Variants in LMLN observed in about 807,000 individuals in gnomAD.
LMLN encodes the protein leishmanolysin-like peptidase.
A neutral mutation model predicts 92.3 loss-of-function variants in LMLN; 70 were observed. The ratio of observed to expected loss-of-function variants is 0.76; its 90% CI spans 0.63 to 0.92. The LOEUF (loss-of-function observed/expected upper bound fraction) is 0.92, where lower values mean the gene tolerates loss of function less well. Ranked by LOEUF, LMLN falls within the 40% of genes least tolerant of loss-of-function variation. The probability of loss-of-function intolerance (pLI) is 0.00; values close to 1 mark genes in which losing one functional copy is unlikely to be tolerated. For missense variants in LMLN, 691 were observed against 814.6 expected, an observed-to-expected ratio of 0.85 and a Z score of 1.85; for synonymous variants, 308 against 296.2, an observed-to-expected ratio of 1.04 and a Z score of -0.41.
At chr3:197,976,558 C>T in intron 4 of LMLN, 40 bp from the exon 5 acceptor site, 1 of 1,171,978 alleles carries the variant, frequency 8.5e-7, no homozygotes, top group Admixed American at 2.2e-5. Flanking sequence ...AAAATATTCT[C>T]TTTTTTGTAT....
At chr3:197,974,696 C>G (rs1286970256) in intron 2 of LMLN, among the ~76,000 whole-genome samples, 1 of 152,134 alleles carries the variant, frequency 6.6e-6, no homozygotes. Context: ...TCTTCCTTTC[C>G]TGGTCAATCA....
exon 3 of LMLN, chr3:197,975,060 G>T: frequency 6.7e-7 from 1 of 1,491,246 alleles, no homozygotes. Flanking sequence ...CTGAGAAAAA[G>T]AATCTTGTAA....
chr3:197,987,690 C>T (rs1423138673), intron 8 of LMLN, among the ~76,000 whole-genome samples: 1 of 151,960 alleles, frequency 6.6e-6, no homozygotes, highest in Non-Finnish European at 1.5e-5. Context: ...GGTAGATTTC[C>T]CAAACTGGGA....
chr3:198,033,822 G>A (rs1011762466), intron 14 of LMLN, among the ~76,000 whole-genome samples: 2 of 152,198 alleles, frequency 1.3e-5, no homozygotes, highest in African/African-American at 2.4e-5. Context: ...ATCAAGTCTC[G>A]CTTTAAAGAA....
chr3:197,991,991 A>C (rs1271331945), intron 9 of LMLN, among the ~76,000 whole-genome samples: 1 of 149,112 alleles, frequency 6.7e-6, no homozygotes, highest in Non-Finnish European at 1.5e-5. Context: ...CCTCCCAAGT[A>C]GCTGGAATTA....
chr3:198,002,219 C>T (rs1430795138), intron 11 of LMLN, among the ~76,000 whole-genome samples: 1 of 152,006 alleles, frequency 6.6e-6, no homozygotes, highest in Non-Finnish European at 1.5e-5. Flanking sequence ...TGGCATGATC[C>T]TGGGCTGAGG....
chr3:197,980,181 GGGAGGTAT>G (rs1721515510), intron 5 of LMLN, 137 bp from the exon 6 acceptor site: 4 of 580,188 alleles, frequency 6.9e-6, no homozygotes, highest in Non-Finnish European at 9.0e-6. Flanking sequence ...TGAGTAGACA[GGGAGGTAT>G]GGATTTTGAT....
intron 11 of LMLN, among the ~76,000 whole-genome samples, chr3:198,005,871 C>G (rs1722279501): frequency 6.6e-6 from 1 of 152,046 alleles, no homozygotes; most frequent in Admixed American, 6.6e-5. Flanking sequence ...AATCCCAGCA[C>G]TTTGGGAGGC....
intron 1 of LMLN, among the ~76,000 whole-genome samples, chr3:197,970,808 C>G (rs1338015407): frequency 6.6e-6 from 1 of 152,268 alleles, no homozygotes; most frequent in Admixed American, 6.5e-5. Flanking sequence ...GCTGTGTTGA[C>G]TCTTCTGCAC....
chr3:198,029,297 C>T (rs933474813), intron 14 of LMLN, among the ~76,000 whole-genome samples: 6 of 152,206 alleles, frequency 3.9e-5, no homozygotes, highest in African/African-American at 1.4e-4. Flanking sequence ...ACTTCCATGA[C>T]CACGTTGATC....
At position 198,031,921 on chromosome 3, in the gene LMLN, A is replaced by G. The variant is rs937738599; in HGVS notation, c.1657-3912A>G. 5.9e-5 allele frequency among the ~76,000 whole-genome samples: 9 copies of G among 151,996 alleles called. No homozygotes were observed. The highest frequency in any genetic ancestry group is 6.8e-3 in the Middle Eastern group (2 of 294). On this transcript the variant is annotated intron_variant, in intron 14 of 15. Coordinates refer to ENST00000330198, the Ensembl canonical transcript of LMLN. This position sits in a 1 kb window ranked among gnomAD's most constrained non-coding sequence, Gnocchi z 4.8. ...GTTTGAAAGCAGCCTGGCCAACATG[A>G]TGAAACCCCTCATCTACTAAAAATA... is the stretch of plus-strand genomic sequence containing the variant.
chr3:198,006,787 A>G (rs1394633112), intron 11 of LMLN, among the ~76,000 whole-genome samples: 1 of 151,454 alleles, frequency 6.6e-6, no homozygotes, highest in Non-Finnish European at 1.5e-5. Flanking sequence ...ATCTTGGCTC[A>G]CTGTAACCTC....
chr3:197,995,398 A>C (rs796304364), intron 9 of LMLN, among the ~76,000 whole-genome samples: 5 of 152,316 alleles, frequency 3.3e-5, no homozygotes, highest in African/African-American at 1.2e-4. Context: ...AACACAATGG[A>C]ATACTATTCA....
At chr3:198,028,787 G>A (rs1288828870) in intron 14 of LMLN, among the ~76,000 whole-genome samples, 3 of 152,214 alleles carry the variant, frequency 2.0e-5, no homozygotes, top group African/African-American at 7.2e-5. Context: ...TCTCCCTTCG[G>A]AGGGAAGTAA....
chr3:197,995,095 C>T (rs1721982425), intron 9 of LMLN, among the ~76,000 whole-genome samples: 1 of 152,200 alleles, frequency 6.6e-6, no homozygotes, highest in South Asian at 2.1e-4. Context: ...ACCACCCCCT[C>T]CTCTTCCTCC....
At chr3:197,995,333 G>A (rs1721987760) in intron 9 of LMLN, among the ~76,000 whole-genome samples, 1 of 152,104 alleles carries the variant, frequency 6.6e-6, no homozygotes, top group South Asian at 2.1e-4. Context: ...GTTAAGTTAT[G>A]GGGAAATCAA....
At chr3:197,961,404 A>G (rs1336486974) in intron 1 of LMLN, among the ~76,000 whole-genome samples, 1 of 152,218 alleles carries the variant, frequency 6.6e-6, no homozygotes, top group South Asian at 2.1e-4. Flanking sequence ...ACTCATTTTT[A>G]TGGTAATTTC....
intron 1 of LMLN, 28 bp downstream of exon 1, chr3:197,960,468 C>G (rs1382764641): frequency 2.5e-6 from 4 of 1,601,944 alleles, no homozygotes; most frequent in Non-Finnish European, 3.4e-6. Context: ...GGAGCGGGCC[C>G]TCTCAGGGTA....
chr3:198,034,301 G>T (rs139431465), intron 14 of LMLN, among the ~76,000 whole-genome samples: 67 of 152,134 alleles, frequency 4.4e-4, no homozygotes, highest in African/African-American at 1.4e-3. Flanking sequence ...CAACTTTGAG[G>T]TTTTTTTTAA....
Sources: gnomAD v4.1 joint callset for allele counts (sites outside exome capture counted in the v4.1 genomes callset) on GRCh38, gnomAD v4.1.1 for gene constraint, Gnocchi (gnomAD v3.1) non-coding constraint, MANE v1.5 for transcripts, NCBI Gene and HGNC (gene_info 2026-07-23, HGNC 2026-07-21) for gene names.